The following MAD1L1 variants were observed in gnomAD, a reference collection of about 807,000 sequenced individuals.
MAD1L1 encodes mitotic arrest deficient 1 like 1.
Under a neutral mutation model 96.9 loss-of-function variants are expected in MAD1L1, and 95 were observed. The observed-to-expected ratio is 0.98, with a 90% CI of 0.83 to 1.16. The LOEUF is 1.16. Among genes scored for constraint, MAD1L1 ranks in the 50% most tolerant of loss-of-function variants. MAD1L1 has a pLI of 0.00. For synonymous variants in MAD1L1, 473 were observed against 396.6 expected (o/e 1.19, Z -2.29); for missense variants, 1,007 against 954.4 (o/e 1.06, Z -0.73).
At chr7:1,911,987 G>A (rs956946799) in intron 17 of MAD1L1, among the ~76,000 whole-genome samples, 2 of 152,264 alleles carry the variant, frequency 1.3e-5, no homozygotes, top group Non-Finnish European at 2.9e-5. Context: ...AGTGGTGGGA[G>A]TGGGCTGGGT....
At chr7:1,876,826 C>A (rs1297778202) in intron 18 of MAD1L1, among the ~76,000 whole-genome samples, 1 of 148,688 alleles carries the variant, frequency 6.7e-6, no homozygotes, top group African/African-American at 2.5e-5. Context: ...CCGGTCTTTA[C>A]CCCTCTGCTC....
At chr7:2,115,218 C>T (rs572493435) in intron 11 of MAD1L1, among the ~76,000 whole-genome samples, 2 of 152,286 alleles carry the variant, frequency 1.3e-5, no homozygotes, top group South Asian at 4.2e-4. Context: ...CCGCATGTTC[C>T]GGGGTCAGAG....
At chr7:1,979,506 C>T (rs1290022489) in intron 15 of MAD1L1, among the ~76,000 whole-genome samples, 2 of 152,248 alleles carry the variant, frequency 1.3e-5, no homozygotes, top group Non-Finnish European at 2.9e-5. Flanking sequence ...TGGGGCAGCG[C>T]CAACACAGGC....
rs951100626 is a variant in MAD1L1 at position 2,167,329 on chromosome 7, C to T, written c.987-18091G>A. Reference sequence around the variant, plus strand: ...TTGGGAGGCTGAGGCGGGCGGATCACGAGCTCAGGAGATAGAGACCATCCT... The same window carrying T: ...TTGGGAGGCTGAGGCGGGCGGATCATGAGCTCAGGAGATAGAGACCATCCT... On this transcript the variant is annotated intron_variant, in intron 10 of 18. Transcript: ENST00000265854. Among the ~76,000 whole-genome samples, 6 of 151,158 alleles carry T rather than the reference C, an allele frequency of 4.0e-5. No individual in the cohort carries two copies. In the East Asian group the frequency reaches 1.2e-3, roughly 30 times the overall value.
intron 16 of MAD1L1, among the ~76,000 whole-genome samples, chr7:1,944,096 G>A (rs546282777): frequency 6.6e-6 from 1 of 152,176 alleles, no homozygotes; most frequent in South Asian, 2.1e-4. Context: ...TGGGCCACGG[G>A]ACTCCCTCCC....
chr7:2,094,794 T>C (rs1263328012), intron 11 of MAD1L1, among the ~76,000 whole-genome samples: 3 of 151,726 alleles, frequency 2.0e-5, no homozygotes, highest in East Asian at 1.9e-4. Context: ...CCCATCTACA[T>C]AGAGACCAAA....
intron 18 of MAD1L1, among the ~76,000 whole-genome samples, chr7:1,845,101 G>A (rs1783521849): frequency 6.6e-6 from 1 of 152,246 alleles, no homozygotes; most frequent in Admixed American, 6.5e-5. Flanking sequence ...GGAGAGCAGA[G>A]CGAAGGGGTC....
At chr7:2,009,721 T>C (rs1782205099) in intron 13 of MAD1L1, among the ~76,000 whole-genome samples, 2 of 151,880 alleles carry the variant, frequency 1.3e-5, no homozygotes, top group South Asian at 4.2e-4. Context: ...GGCTAGGGGG[T>C]GGACGCCCAG....
intron 13 of MAD1L1, among the ~76,000 whole-genome samples, chr7:2,004,956 G>A (rs530783246): frequency 8.5e-5 from 13 of 152,326 alleles, no homozygotes; most frequent in African/African-American, 2.6e-4. Context: ...AGTCGCTGGC[G>A]AAAGGTGACT....
chr7:1,830,166 G>A (rs1782634598), intron 18 of MAD1L1, among the ~76,000 whole-genome samples: 1 of 152,242 alleles, frequency 6.6e-6, no homozygotes, highest in Non-Finnish European at 1.5e-5. Flanking sequence ...GGAGGCCGAG[G>A]TGGGAGGATC....
intron 15 of MAD1L1, among the ~76,000 whole-genome samples, chr7:1,970,102 A>G (rs538894674): frequency 1.4e-3 from 208 of 152,338 alleles, no homozygotes; most frequent in Middle Eastern, 3.4e-3. Flanking sequence ...AGCCAGTCTC[A>G]AAAGACTGCA....
chr7:2,156,236 C>G (rs1208485948), intron 10 of MAD1L1, among the ~76,000 whole-genome samples: 2 of 148,894 alleles, frequency 1.3e-5, no homozygotes, highest in African/African-American at 5.0e-5. Context: ...GCGAGGGGAG[C>G]GGGCGCATGG....
intron 11 of MAD1L1, among the ~76,000 whole-genome samples, chr7:2,080,862 C>T (rs1235967374): frequency 6.6e-6 from 1 of 152,244 alleles, no homozygotes; most frequent in Non-Finnish European, 1.5e-5. Flanking sequence ...GTTAGGGACA[C>T]AAATGCTGGG....
intron 11 of MAD1L1, among the ~76,000 whole-genome samples, chr7:2,135,937 G>A (rs544165002): frequency 8.0e-4 from 122 of 152,326 alleles, no homozygotes; most frequent in African/African-American, 2.8e-3. Flanking sequence ...TCAGGACCAC[G>A]CGGCCCAACG....
rs567111721 is a variant in MAD1L1, at chr7:2,213,423, C to A, written c.925-150G>T. The A allele has an allele frequency of 3.2e-5, 23 of 713,308 alleles. No individual in the cohort carries two copies. In the Admixed American group the frequency reaches 4.3e-4, roughly 13 times the overall value. 44.2% of individuals were successfully genotyped at this position (713,308 alleles called of 1,614,324 possible). ...CTGGGCGCTACATGCTCCAAGTCTG[C>A]TTGGAAGTGGCCGGGTTATTATTCC... On this transcript the variant is annotated intron_variant, in intron 9 of 18. Coordinates refer to ENST00000265854, the MANE Select transcript of MAD1L1 (RefSeq NM_001013836.2).
chr7:1,989,363 A>T (rs1344971056), intron 14 of MAD1L1, among the ~76,000 whole-genome samples: 1 of 152,244 alleles, frequency 6.6e-6, no homozygotes, highest in Non-Finnish European at 1.5e-5. Flanking sequence ...TATCAATTTT[A>T]TCTCACAGAA....
chr7:1,903,006 T>A (rs569382411), intron 17 of MAD1L1, among the ~76,000 whole-genome samples: 11 of 149,230 alleles, frequency 7.4e-5, no homozygotes, highest in Non-Finnish European at 1.2e-4. Context: ...GCGGAACTCA[T>A]GATTGATGAA....
At chr7:2,071,954 C>T (rs1785152681) in intron 11 of MAD1L1, among the ~76,000 whole-genome samples, 2 of 152,230 alleles carry the variant, frequency 1.3e-5, no homozygotes, top group Admixed American at 1.3e-4. Context: ...TCGCCCTGCG[C>T]ATCCATTCAT....
intron 11 of MAD1L1, among the ~76,000 whole-genome samples, chr7:2,102,054 A>C (rs1786805842): frequency 1.3e-5 from 2 of 152,022 alleles, no homozygotes; most frequent in African/African-American, 4.8e-5. Flanking sequence ...CCCCAGCAGA[A>C]GAGGCTGAGA....
Sources: gnomAD v4.1 joint callset for allele counts (sites outside exome capture counted in the v4.1 genomes callset) on GRCh38, gnomAD v4.1.1 for gene constraint, MANE v1.5 for transcripts, NCBI Gene and HGNC (gene_info 2026-07-23, HGNC 2026-07-21) for gene names.